TMEM132C: variants seen among roughly 807,000 people sequenced by gnomAD.
TMEM132C encodes the protein protein phosphatase 1, regulatory subunit 152.
Under a neutral mutation model 61.4 loss-of-function variants are expected in TMEM132C, and 29 were observed. The observed-to-expected ratio is 0.47, with a 90% CI of 0.35 to 0.64. The LOEUF is 0.64. Among genes scored for constraint, TMEM132C ranks in the 30% least tolerant of loss-of-function variants. TMEM132C has a pLI of 0.00. For missense variants in TMEM132C, 1,408 were observed against 1,476.9 expected (o/e 0.95, Z 0.76); for synonymous variants, 656 against 633.1 (o/e 1.04, Z -0.54).
At chr12:128,541,618 TC>T (rs1389194145) in intron 2 of TMEM132C, among the ~76,000 whole-genome samples, 2 of 152,178 alleles carry the variant, frequency 1.3e-5, no homozygotes, top group African/African-American at 4.8e-5. Context: ...CATATCACGG[TC>T]TTTATATCAC....
chr12:128,542,882 A>T lies in TMEM132C; in HGVS notation c.975-1075A>T, dbSNP rs542975898. On this transcript the variant is annotated intron_variant, in intron 2 of 8. Transcript: ENST00000435159. ...TGCAAAAAAAAAAAAAAAAAAAAAA[A>T]TGTGCTGGGATTATAGGCGTGAGCC... 2.1e-4 allele frequency among the ~76,000 whole-genome samples: 30 copies of T among 144,070 alleles called. 1 individual carries two copies. The South Asian group carries it at 5.2e-3, about 25-fold the overall frequency. The allele number at this position is 144,070 out of a possible 152,430, so 94.5% of individuals were successfully genotyped here.
At chr12:128,631,176 T>C (rs1359582132) in intron 4 of TMEM132C, among the ~76,000 whole-genome samples, 1 of 152,258 alleles carries the variant, frequency 6.6e-6, no homozygotes, top group African/African-American at 2.4e-5. Context: ...CGTAATGGTC[T>C]GTGTCTGCAC....
chr12:128,551,897 C>G (rs532943117), intron 3 of TMEM132C, among the ~76,000 whole-genome samples: 1 of 152,178 alleles, frequency 6.6e-6, no homozygotes, highest in African/African-American at 2.4e-5. Flanking sequence ...TTGATTCGAA[C>G]GTTGCACCTT....
At chr12:128,554,878 C>G (rs1024017108) in intron 3 of TMEM132C, among the ~76,000 whole-genome samples, 4 of 152,300 alleles carry the variant, frequency 2.6e-5, no homozygotes, top group African/African-American at 9.6e-5. Context: ...AGTTCTCTCT[C>G]CCTGCTCCTC....
At chr12:128,618,997 G>T (rs1352601121) in intron 4 of TMEM132C, among the ~76,000 whole-genome samples, 1 of 152,106 alleles carries the variant, frequency 6.6e-6, no homozygotes, top group Non-Finnish European at 1.5e-5. Flanking sequence ...CAAAGTTTTG[G>T]TTCAGAATAA....
At chr12:128,512,975 C>T (rs962162161) in intron 2 of TMEM132C, among the ~76,000 whole-genome samples, 1 of 152,194 alleles carries the variant, frequency 6.6e-6, no homozygotes, top group Non-Finnish European at 1.5e-5. Flanking sequence ...TACAGCAACA[C>T]CGCTGTCCGT....
At chr12:128,424,361 T>A (rs1205796528) in intron 2 of TMEM132C, among the ~76,000 whole-genome samples, 1 of 152,042 alleles carries the variant, frequency 6.6e-6, no homozygotes, top group Non-Finnish European at 1.5e-5. Context: ...AATGTGATAT[T>A]TACATGCAAT....
At chr12:128,479,484 A>T (rs1031410771) in intron 2 of TMEM132C, among the ~76,000 whole-genome samples, 1 of 152,014 alleles carries the variant, frequency 6.6e-6, no homozygotes, top group Non-Finnish European at 1.5e-5. Flanking sequence ...CCACTGGGGG[A>T]AAAAAAGTAT....
At chr12:128,520,629 C>T (rs1470922627) in intron 2 of TMEM132C, among the ~76,000 whole-genome samples, 1 of 152,184 alleles carries the variant, frequency 6.6e-6, no homozygotes, top group Non-Finnish European at 1.5e-5. Context: ...AGGTATCCAG[C>T]AGCATCTGTG....
chr12:128,517,413 C>T (rs186133062), intron 2 of TMEM132C, among the ~76,000 whole-genome samples: 40 of 152,138 alleles, frequency 2.6e-4, no homozygotes, highest in African/African-American at 8.7e-4. Flanking sequence ...TCAGCCTGGG[C>T]AACAGAGTGA....
chr12:128,510,380 G>A (rs1461685775), intron 2 of TMEM132C, among the ~76,000 whole-genome samples: 1 of 152,192 alleles, frequency 6.6e-6, no homozygotes, highest in Non-Finnish European at 1.5e-5. Flanking sequence ...TGGCAGGCCA[G>A]GGACAGGATT....
In TMEM132C at chr12:128,278,857, C is replaced by G. The variant is rs1401442321; in HGVS notation, c.85+11370C>G. Among the ~76,000 whole-genome samples, 1 of 151,510 alleles carries G rather than the reference C, an allele frequency of 6.6e-6. No individual in the cohort carries two copies. The highest frequency in any genetic ancestry group is 1.5e-5 in the Non-Finnish European group (1 of 67,958). The stretch of plus-strand genomic sequence containing the variant: ...CTCTGCATAATGTGGGTAGCCTCAT[C>G]CAATGAGTTGAAGGCCTGCAGAGAT... On this transcript the variant is annotated intron_variant, in intron 1 of 8. Transcript: ENST00000435159. This position sits in a 1 kb window ranked among gnomAD's most constrained non-coding sequence, Gnocchi z 4.2.
At chr12:128,334,918 A>G (rs1395586235) in intron 1 of TMEM132C, among the ~76,000 whole-genome samples, 8 of 152,218 alleles carry the variant, frequency 5.3e-5, no homozygotes, top group Admixed American at 5.2e-4. Context: ...TGTAGTGCAC[A>G]TAGCTAAGGC....
rs1025696588 is a variant in TMEM132C at position 128,310,480 on chromosome 12, A to G, written c.85+42993A>G. 5.3e-5 allele frequency among the ~76,000 whole-genome samples: 8 copies of G among 152,172 alleles called. No homozygotes were observed. In the South Asian group the frequency reaches 1.5e-3, roughly 28 times the overall value. On this transcript the variant is annotated intron_variant, in intron 1 of 8. Coordinates refer to ENST00000435159, the MANE Select transcript of TMEM132C (RefSeq NM_001136103.3). ...AGCTTCCAATCGTGGCAGAAAGTGA[A>G]AGAGAGAGTTGGGTGGGGGGGTTTG...
Position 128,653,773 on chromosome 12 carries a change from T to G in TMEM132C, c.1306-15644T>G, listed in dbSNP as rs560199312. On this transcript the variant is annotated intron_variant, in intron 4 of 8. Transcript: ENST00000435159. Reference sequence around the variant, plus strand: ...AAAAGAGCTCAAAATCATGGTGAGGTGCGAGGTGGCCCATGTTAGGGTTGG... The same window carrying G: ...AAAAGAGCTCAAAATCATGGTGAGGGGCGAGGTGGCCCATGTTAGGGTTGG... 3.9e-5 allele frequency among the ~76,000 whole-genome samples: 6 copies of G among 152,280 alleles called. No individual in the cohort carries two copies. The South Asian group carries it at 1.2e-3, about 32-fold the overall frequency.
chr12:128,688,849 A>G (rs1954697682), intron 5 of TMEM132C, among the ~76,000 whole-genome samples: 1 of 152,212 alleles, frequency 6.6e-6, no homozygotes, highest in South Asian at 2.1e-4. Context: ...GCTGGAGTTC[A>G]GTGGTGCGAT....
intron 1 of TMEM132C, among the ~76,000 whole-genome samples, chr12:128,363,568 C>G (rs1227232760): frequency 2.6e-5 from 4 of 152,112 alleles, no homozygotes; most frequent in Non-Finnish European, 5.9e-5. Context: ...GGGTTCCTGG[C>G]CAGGTGCGGT....
chr12:128,432,827 C>A (rs1475729875), intron 2 of TMEM132C, among the ~76,000 whole-genome samples: 1 of 152,060 alleles, frequency 6.6e-6, no homozygotes, highest in Non-Finnish European at 1.5e-5. Flanking sequence ...AAAATGCTAT[C>A]AAACAGCATC....
intron 8 of TMEM132C, among the ~76,000 whole-genome samples, chr12:128,700,235 G>T (rs528770760): frequency 6.6e-6 from 1 of 152,142 alleles, no homozygotes; most frequent in Non-Finnish European, 1.5e-5. Context: ...TTGCAGACAC[G>T]ACTCTTGAAA....
Sources: gnomAD v4.1 joint callset for allele counts (sites outside exome capture counted in the v4.1 genomes callset) on GRCh38, gnomAD v4.1.1 for gene constraint, Gnocchi (gnomAD v3.1) non-coding constraint, MANE v1.5 for transcripts, NCBI Gene and HGNC (gene_info 2026-07-23, HGNC 2026-07-21) for gene names.